The following TES variants were observed in gnomAD, a reference collection of about 807,000 sequenced individuals.
TES encodes testin.
TES carries 41 observed loss-of-function variants against 48.2 expected under a neutral mutation model. The ratio of observed to expected loss-of-function variants is 0.85; its 90% CI spans 0.66 to 1.10. TES has a LOEUF of 1.10. Among genes scored for constraint, TES ranks in the 50% least tolerant of loss-of-function variants. The probability of loss-of-function intolerance (pLI) is 0.00; values close to 1 mark genes in which losing one functional copy is unlikely to be tolerated. For synonymous variants in TES, 162 were observed against 174.9 expected (o/e 0.93, Z 0.58); for missense variants, 463 against 515.1 (o/e 0.90, Z 0.98).
chr7:116,232,835 T>C (rs903623818), intron 1 of TES, among the ~76,000 whole-genome samples: 2 of 152,256 alleles, frequency 1.3e-5, no homozygotes, highest in African/African-American at 4.8e-5. Context: ...TAGCTAATGC[T>C]GGACAGTTGT....
At chr7:116,241,123 C>T (rs1799842630) in intron 2 of TES, among the ~76,000 whole-genome samples, 1 of 152,178 alleles carries the variant, frequency 6.6e-6, no homozygotes, top group African/African-American at 2.4e-5. Context: ...ATAACAAGAT[C>T]ACAGTGGCAT....
chr7:116,246,865 T>A (rs1400194891), intron 2 of TES, among the ~76,000 whole-genome samples: 3 of 132,228 alleles, frequency 2.3e-5, no homozygotes, highest in Non-Finnish European at 4.8e-5. Flanking sequence ...AATGAAATTT[T>A]CTCTGTGTAT....
At chr7:116,221,616 G>A (rs141828533) in intron 1 of TES, among the ~76,000 whole-genome samples, 6 of 152,258 alleles carry the variant, frequency 3.9e-5, no homozygotes, top group African/African-American at 1.4e-4. Flanking sequence ...TTCCCACAGT[G>A]AAAGCTGTGG....
intron 1 of TES, 85 bp downstream of exon 1, chr7:116,210,819 G>A (rs947781231): frequency 1.7e-6 from 2 of 1,157,976 alleles, no homozygotes; most frequent in Non-Finnish European, 2.2e-6. Flanking sequence ...CGAGGTGGGT[G>A]GGGCTCGCGG....
chr7:116,234,767 A>C, intron 2 of TES, 148 bp downstream of exon 2: 1 of 434,262 alleles, frequency 2.3e-6, no homozygotes, highest in Non-Finnish European at 4.1e-6. Context: ...ACAACATAAA[A>C]AGTGTTCTGT....
Position 116,249,175 on chromosome 7 carries a change from A to G in TES, c.269A>G (p.Asn90Ser), listed in dbSNP as rs751823982. ...GATGGAATTCCCATGTATAAACGCA[A>G]TGTTATGATATTGACGAATCCAGTT... The part of the protein sequence containing the change: ...KSDGIPMYKR[N>S]VMILTNPVAA... The change falls in exon 3 of 7, where the codon AAT becomes AGT. Residue 90 changes from asparagine to serine, a missense_variant. Physicochemically the swap from Asn to Ser is conservative, Grantham distance 46. Transcript: ENST00000358204. 4 of 1,614,116 alleles carry G rather than the reference A, an allele frequency of 2.5e-6. 1 individual carries two copies. In the Middle Eastern group the frequency reaches 5.0e-4, roughly 200 times the overall value.
intron 2 of TES, among the ~76,000 whole-genome samples, chr7:116,248,071 G>A (rs1799951816): frequency 6.6e-6 from 1 of 152,144 alleles, no homozygotes; most frequent in Non-Finnish European, 1.5e-5. Context: ...TGTGGTATTT[G>A]GTTTTCCTTT....
At chr7:116,255,432 C>T (rs994415598) in intron 6 of TES, among the ~76,000 whole-genome samples, 1 of 152,124 alleles carries the variant, frequency 6.6e-6, no homozygotes, top group Non-Finnish European at 1.5e-5. Context: ...ACAGTAGATT[C>T]GACCTGTGAT....
At position 116,257,789 on chromosome 7, in the gene TES, C is replaced by T. The variant is rs905616370; in HGVS notation, c.*307C>T. ...TCATGTCTCTATTCCATTTGTGCCA[C>T]ACACTTAAAAGTTAGTGTACTGAAT... is the stretch of plus-strand genomic sequence containing the variant. On this transcript the variant is annotated 3_prime_UTR_variant, in exon 7 of 7. Coordinates refer to ENST00000358204, the MANE Select transcript of TES (RefSeq NM_015641.4). 5.3e-6 allele frequency: 1 copy of T among 189,444 alleles called. No homozygotes were observed. Among genetic ancestry groups the T allele is most frequent in the African/African-American group, 2.3e-5 (1 of 42,660 alleles). The allele number at this position is 189,444 out of a possible 1,614,324, so 11.7% of individuals were successfully genotyped here. A position where few individuals can be genotyped will look rare whatever the true frequency, so the allele number is the denominator to read the frequency against.
Position 116,257,664 on chromosome 7 carries a change from C to T in TES, c.*182C>T. ...TTTTTTTTCGGTCTCAACTTTTAAA[C>T]TTGGTTTAAGCATTTGATTTGTAAA... On this transcript the variant is annotated 3_prime_UTR_variant, in exon 7 of 7. Coordinates refer to ENST00000358204, the MANE Select transcript of TES (RefSeq NM_015641.4). The T allele has an allele frequency of 2.0e-6, 1 of 510,418 alleles. No individual in the cohort carries two copies. Among genetic ancestry groups the T allele is most frequent in the Non-Finnish European group, 3.3e-6 (1 of 299,238 alleles). 31.6% of individuals were successfully genotyped at this position (510,418 alleles called of 1,614,324 possible).
chr7:116,255,662 AAAG>A (rs1369096699), intron 6 of TES, among the ~76,000 whole-genome samples: 2 of 152,188 alleles, frequency 1.3e-5, no homozygotes, highest in African/African-American at 4.8e-5. Flanking sequence ...GGTCTGAGAA[AAAG>A]AAGATAGATC....
chr7:116,242,212 T>G (rs1306737993), intron 2 of TES, among the ~76,000 whole-genome samples: 1 of 152,170 alleles, frequency 6.6e-6, no homozygotes, highest in Non-Finnish European at 1.5e-5. Flanking sequence ...AAGAACTAAA[T>G]TCCCACTCCA....
In TES at chr7:116,251,981, T is replaced by C. The variant is rs1800020408; in HGVS notation, c.918+6T>C. Reference sequence around the variant, plus strand: ...GATGTGCTGGCTGTGACGAGGTATGTTCTATGGGACCACCGGCATGCTGGT... The same window carrying C: ...GATGTGCTGGCTGTGACGAGGTATGCTCTATGGGACCACCGGCATGCTGGT... On this transcript the variant is annotated splice_donor_region_variant and intron_variant, in intron 5 of 6. Transcript: ENST00000358204. 1 of 1,613,790 alleles carries C rather than the reference T, an allele frequency of 6.2e-7. No homozygotes were observed. Among genetic ancestry groups the C allele is most frequent in the Non-Finnish European group, 8.5e-7 (1 of 1,179,738 alleles).
chr7:116,256,208 C>T (rs1207209477), intron 6 of TES, among the ~76,000 whole-genome samples: 1 of 152,158 alleles, frequency 6.6e-6, no homozygotes, highest in Non-Finnish European at 1.5e-5. Flanking sequence ...CCAGGCCTCA[C>T]TTCACTGCCT....
rs1799963810 is a variant in TES at position 116,249,025 on chromosome 7, T to G, written c.119T>G (p.Ile40Arg). ...EGFELHFWRK[I>R]CRNCKCGQEE... The stretch of plus-strand genomic sequence containing the variant: ...ACTTATTTTCAAAATTATAGAAAAA[T>G]ATGTCGTAACTGCAAGTGTGGCCAA... Residue 40 changes from isoleucine (I) to arginine (R), a missense_variant, in exon 3 of 7, where the codon ATA becomes AGA. Transcript: ENST00000358204. 1 of 1,578,256 alleles carries G rather than the reference T, an allele frequency of 6.3e-7. No homozygotes were observed. Among genetic ancestry groups the G allele is most frequent in the Admixed American group, 1.9e-5 (1 of 52,392 alleles).
chr7:116,239,779 A>G (rs1400437058), intron 2 of TES, among the ~76,000 whole-genome samples: 2 of 152,218 alleles, frequency 1.3e-5, no homozygotes, highest in African/African-American at 2.4e-5. Flanking sequence ...TAATGACCCA[A>G]TAAGAAACAC....
intron 1 of TES, among the ~76,000 whole-genome samples, chr7:116,231,104 T>C (rs1286555384): frequency 6.6e-6 from 1 of 152,140 alleles, no homozygotes; most frequent in Non-Finnish European, 1.5e-5. Flanking sequence ...AAAAGAACAG[T>C]AGAGCAGGAG....
intron 1 of TES, among the ~76,000 whole-genome samples, chr7:116,219,490 C>T (rs1799531376): frequency 1.3e-5 from 2 of 152,236 alleles, no homozygotes; most frequent in African/African-American, 4.8e-5. Context: ...GGTCTGGACT[C>T]TGAGCTGTGG....
intron 5 of TES, 48 bp downstream of exon 5, chr7:116,252,023 A>G (rs771962906): frequency 7.6e-6 from 12 of 1,571,274 alleles, no homozygotes; most frequent in Non-Finnish European, 9.6e-6. Flanking sequence ...TTAGACCCTC[A>G]TATGGTCCCT....
Sources: gnomAD v4.1 joint callset for allele counts (sites outside exome capture counted in the v4.1 genomes callset) on GRCh38, gnomAD v4.1.1 for gene constraint, MANE v1.5 for transcripts, NCBI Gene and HGNC (gene_info 2026-07-23, HGNC 2026-07-21) for gene names.